Variants in PDIA4 observed in about 807,000 individuals in gnomAD.
PDIA4 encodes protein disulfide isomerase family A member 4.
PDIA4 carries 33 observed loss-of-function variants against 62.1 expected under a neutral mutation model. The ratio of observed to expected loss-of-function variants is 0.53; its 90% CI spans 0.40 to 0.71. PDIA4 has a LOEUF of 0.71. Ranked by LOEUF, PDIA4 falls within the 30% of genes least tolerant of loss-of-function variation. The pLI is 0.00. For missense variants in PDIA4, 804 were observed against 813.6 expected (o/e 0.99, Z 0.14); for synonymous variants, 341 against 324.1 (o/e 1.05, Z -0.56).
At position 149,012,784 on chromosome 7, in the gene PDIA4, T is replaced by A. The variant is rs138514005; in HGVS notation, c.615-424A>T. On this transcript the variant is annotated intron_variant, in intron 4 of 9. Coordinates refer to ENST00000652332, the MANE Select transcript of PDIA4 (RefSeq NM_004911.5). ...TAGGATCCAAGGGACAGCGAGGAAT[T>A]AGCCAGGAGCCCACGGGAGGTGGGG... 7.1e-4 allele frequency among the ~76,000 whole-genome samples: 108 copies of A among 152,078 alleles called. No homozygotes were observed. In the East Asian group the frequency reaches 0.014, roughly 19 times the overall value.
Position 149,012,305 on chromosome 7 carries a change from T to C in PDIA4, c.670A>G (p.Ser224Gly). 6.2e-7 allele frequency: 1 copy of C among 1,614,032 alleles called. No individual in the cohort carries two copies. The highest frequency in any genetic ancestry group is 8.5e-7 in the Non-Finnish European group (1 of 1,179,996). ...AGGGGAATTGGAGGAGAACGCTTGC[T>C]GAGCTCCTTGGCGGCCTTCTCATAC... The part of the protein sequence containing the change: ...PEYEKAAKEL[S>G]KRSPPIPLAK... Residue 224 changes from serine to glycine, a missense_variant, in exon 5 of 10, where the codon AGC becomes GGC. Coordinates refer to ENST00000652332, the MANE Select transcript of PDIA4 (RefSeq NM_004911.5).
In PDIA4 at chr7:149,025,083, A is replaced by ATAT. The variant is rs1335689422; in HGVS notation, c.88+3237_88+3238insATA. Among the ~76,000 whole-genome samples, 13 of 21,862 alleles carry ATAT rather than the reference A, an allele frequency of 5.9e-4. No homozygotes were observed. The East Asian group carries it at 7.8e-3, about 13-fold the overall frequency. 14.3% of individuals were successfully genotyped at this position (21,862 alleles called of 152,430 possible). A position where few individuals can be genotyped will look rare whatever the true frequency, so the allele number is the denominator to read the frequency against. On this transcript the variant is annotated intron_variant, in intron 1 of 9. Transcript: ENST00000652332. ...GAAACTCCATCTCAAAAAAAAAAAA[A>ATAT]AAATATATATATATATATATATATG...
intron 4 of PDIA4, among the ~76,000 whole-genome samples, chr7:149,012,734 T>G (rs957550407): frequency 1.3e-5 from 2 of 152,100 alleles, no homozygotes; most frequent in African/African-American, 4.8e-5. Context: ...CATAGATGGC[T>G]TCAGAGGAGG....
At position 149,019,008 on chromosome 7, in the gene PDIA4, G is replaced by C; in HGVS notation, c.459C>G (p.Gly153=). 6.2e-7 allele frequency: 1 copy of C among 1,612,840 alleles called. No individual in the cohort carries two copies. The change falls in exon 3 of 10, where the codon GGC becomes GGG. Residue 153 remains glycine (G), a synonymous_variant. Transcript: ENST00000652332. ...LKKGQAVDYE[G]SRTQEEIVAK... ...CCAGCTCACCTTCCTGGGTTCTGGA[G>C]CCCTCGTAGTCTACAGCCTGCCCCT... is the stretch of plus-strand genomic sequence containing the variant.
intron 4 of PDIA4, among the ~76,000 whole-genome samples, chr7:149,013,858 T>C (rs1824034531): frequency 6.6e-6 from 1 of 152,172 alleles, no homozygotes; most frequent in Admixed American, 6.6e-5. Context: ...CGGCTCAACC[T>C]GGCTCCTGAG....
Position 149,015,194 on chromosome 7 carries a change from T to C in PDIA4, c.476-152A>G. 5.5e-6 allele frequency: 4 copies of C among 731,568 alleles called. No individual in the cohort carries two copies. The East Asian group carries it at 1.1e-4, about 20-fold the overall frequency. 45.3% of individuals were successfully genotyped at this position (731,568 alleles called of 1,614,324 possible). ...ATTTCCTGAAACCTGGCTGCATCTC[T>C]GCAGTTTTGGGGACACAGCCAAGAG... On this transcript the variant is annotated intron_variant, in intron 3 of 9. Coordinates refer to ENST00000652332, the MANE Select transcript of PDIA4 (RefSeq NM_004911.5).
At chr7:149,008,109 C>T in intron 7 of PDIA4, 50 bp downstream of exon 7, 2 of 1,574,838 alleles carry the variant, frequency 1.3e-6, no homozygotes, top group South Asian at 1.2e-5. Flanking sequence ...AAGCAGAGTC[C>T]TCATGCCTGC....
Position 149,005,887 on chromosome 7 carries a change from G to T in PDIA4, c.1288+10C>A, listed in dbSNP as rs768070867. The T allele has an allele frequency of 6.0e-6, 9 of 1,494,486 alleles. No individual in the cohort carries two copies. In the South Asian group the frequency reaches 1.1e-4, roughly 18 times the overall value. The allele number at this position is 1,494,486 out of a possible 1,614,324, so 92.6% of individuals were successfully genotyped here. A position where few individuals can be genotyped will look rare whatever the true frequency, so the allele number is the denominator to read the frequency against. On this transcript the variant is annotated intron_variant, in intron 8 of 9. Coordinates refer to ENST00000652332, the MANE Select transcript of PDIA4 (RefSeq NM_004911.5). ...CCCCACCCCCGCAGGTCTTGGTGGG[G>T]GTCCCTCACCAGCTCTGTAATCAAA...
chr7:149,004,898 G>A (rs900687745), intron 9 of PDIA4, among the ~76,000 whole-genome samples: 1 of 152,232 alleles, frequency 6.6e-6, no homozygotes, highest in African/African-American at 2.4e-5. Flanking sequence ...GAACTGCCAA[G>A]AAGAAAATAG....
chr7:149,012,650 A>G (rs1823988738), intron 4 of PDIA4, among the ~76,000 whole-genome samples: 1 of 152,198 alleles, frequency 6.6e-6, no homozygotes, highest in Non-Finnish European at 1.5e-5. Flanking sequence ...AAACATGGAG[A>G]GGCCAAGAGA....
intron 2 of PDIA4, among the ~76,000 whole-genome samples, chr7:149,020,082 T>C (rs529172470): frequency 6.4e-4 from 97 of 152,254 alleles, no homozygotes; most frequent in African/African-American, 2.3e-3. Flanking sequence ...TGCCTCAGCC[T>C]CCCGAATAGC....
chr7:149,006,240 T>G, intron 7 of PDIA4, 187 bp from the exon 8 acceptor site: 1 of 539,244 alleles, frequency 1.9e-6, no homozygotes, highest in Non-Finnish European at 3.1e-6. Context: ...TGGGGCTCCT[T>G]TCCCTCCAGT....
intron 6 of PDIA4, 32 bp downstream of exon 6, chr7:149,011,814 C>G: frequency 6.6e-7 from 1 of 1,507,840 alleles, no homozygotes; most frequent in African/African-American, 1.4e-5. Flanking sequence ...AAGGCACGCA[C>G]ATTTTGTTCA....
rs768420155 is a variant in PDIA4, at chr7:149,004,097, G to A, written c.1635C>T (p.Asp545=). The change falls in exon 10 of 10, where the codon GAC becomes GAT. Residue 545 remains aspartate, a synonymous_variant. Coordinates refer to ENST00000652332, the MANE Select transcript of PDIA4 (RefSeq NM_004911.5). ...ATGGCGCGTAGAACTCGATGAGGAC[G>A]TCCTTCTTGGGGTCCATCACAATGG... ...FDSIVMDPKK[D]VLIEFYAPWC... 6 of 1,613,958 alleles carry A rather than the reference G, an allele frequency of 3.7e-6. No homozygotes were observed. Among genetic ancestry groups the A allele is most frequent in the South Asian group, 2.2e-5 (2 of 91,088 alleles).
intron 3 of PDIA4, among the ~76,000 whole-genome samples, chr7:149,016,875 T>G (rs1290010437): frequency 6.6e-6 from 1 of 152,192 alleles, no homozygotes; most frequent in African/African-American, 2.4e-5. Flanking sequence ...TATTCATTAA[T>G]CTACCTCTCT....
In PDIA4 at chr7:149,003,694, T is replaced by A; in HGVS notation, c.*100A>T. On this transcript the variant is annotated 3_prime_UTR_variant, in exon 10 of 10. Transcript: ENST00000652332. The stretch of plus-strand genomic sequence containing the variant: ...AAAATTAAAAAAAAAAAAAAAGGAA[T>A]CCGAGATACTGTCGTTTGTTGCCGG... 1.4e-4 allele frequency: 93 copies of A among 677,210 alleles called. No individual in the cohort carries two copies. Among genetic ancestry groups the A allele is most frequent in the Non-Finnish European group, 2.0e-4 (88 of 436,336 alleles). The allele number at this position is 677,210 out of a possible 1,614,324, so 42.0% of individuals were successfully genotyped here.
intron 1 of PDIA4, among the ~76,000 whole-genome samples, chr7:149,026,847 T>C (rs1824576420): frequency 6.7e-6 from 1 of 149,960 alleles, no homozygotes; most frequent in Non-Finnish European, 1.5e-5. Flanking sequence ...AGGCCTGCCC[T>C]TGGCCATGAT....
intron 6 of PDIA4, among the ~76,000 whole-genome samples, chr7:149,009,471 G>A (rs1347807776): frequency 6.6e-6 from 1 of 152,206 alleles, no homozygotes; most frequent in Admixed American, 6.5e-5. Flanking sequence ...TTCACACCCA[G>A]CACCCTTCGT....
At position 149,003,315 on chromosome 7, in the gene PDIA4, C is replaced by T. The variant is rs1273217167; in HGVS notation, c.*479G>A. 3 of 152,586 alleles carry T rather than the reference C, an allele frequency of 2.0e-5. No homozygotes were observed. Among genetic ancestry groups the T allele is most frequent in the Admixed American group, 2.0e-4 (3 of 15,296 alleles). 9.5% of individuals were successfully genotyped at this position (152,586 alleles called of 1,614,324 possible). Reference sequence around the variant, plus strand: ...CGATGCCCAGCCTGAAACAGCACCCCTGGCAGGGCTGCTCAGTGGCAGCTC... The same window carrying T: ...CGATGCCCAGCCTGAAACAGCACCCTTGGCAGGGCTGCTCAGTGGCAGCTC... On this transcript the variant is annotated 3_prime_UTR_variant, in exon 10 of 10. Coordinates refer to ENST00000652332, the MANE Select transcript of PDIA4 (RefSeq NM_004911.5).
Sources: gnomAD v4.1 joint callset for allele counts (sites outside exome capture counted in the v4.1 genomes callset) on GRCh38, gnomAD v4.1.1 for gene constraint, MANE v1.5 for transcripts, NCBI Gene and HGNC (gene_info 2026-07-23, HGNC 2026-07-21) for gene names.